GPC3: variants seen among roughly 807,000 people sequenced by gnomAD.
The protein encoded by GPC3 is glypican-3.
In GPC3, 3 loss-of-function variants were observed where a neutral mutation model predicts 34.4. The ratio of observed to expected loss-of-function variants is 0.09; its 90% CI spans 0.04 to 0.23. GPC3 has a LOEUF of 0.23. Among genes scored for constraint, GPC3 ranks in the 10% least tolerant of loss-of-function variants. The probability of loss-of-function intolerance (pLI) is 1.00; values close to 1 mark genes in which losing one functional copy is unlikely to be tolerated. For synonymous variants in GPC3, 177 were observed against 174.0 expected, an observed-to-expected ratio of 1.02 and a Z score of -0.13; for missense variants, 351 against 445.6, an observed-to-expected ratio of 0.79 and a Z score of 1.91.
intron 1 of GPC3, among the ~76,000 whole-genome samples, chrX:133,968,341 A>T (rs922936373): frequency 8.9e-6 from 1 of 112,471 alleles, no homozygotes; most frequent in African/African-American, 3.2e-5. Context: ...AGCATCTCAC[A>T]CATACTGGGT....
intron 2 of GPC3, among the ~76,000 whole-genome samples, chrX:133,829,743 C>T (rs1351419580): frequency 9.0e-6 from 1 of 110,888 alleles, no homozygotes; most frequent in Admixed American, 9.6e-5. Flanking sequence ...CAAAAGAAAG[C>T]TGGGCTAGCT....
At chrX:133,582,658 T>C (rs1239803154) in intron 7 of GPC3, among the ~76,000 whole-genome samples, 3 of 111,927 alleles carry the variant, frequency 2.7e-5, no homozygotes, top group African/African-American at 6.5e-5. Context: ...CTTTTTCTGG[T>C]AATTTAGTTT....
At chrX:133,969,354 C>T (rs759783880) in intron 1 of GPC3, among the ~76,000 whole-genome samples, 1 of 111,938 alleles carries the variant, frequency 8.9e-6, no homozygotes. Context: ...TCTATTTAGA[C>T]GAGCCTTAGC....
In GPC3 at chrX:133,824,894, G is replaced by A. The variant is rs770570489; in HGVS notation, c.338-70718C>T. ...GACGGAGTCTCGCTCTGTCGCCCGG[G>A]CTGGAGTGCAGTGGCGCGATCTCAG... On this transcript the variant is annotated intron_variant, in intron 2 of 7. Transcript: ENST00000370818. Among the ~76,000 whole-genome samples, 280 of 112,420 alleles carry A rather than the reference G, an allele frequency of 2.5e-3. 1 individual carries two copies. The highest frequency in any genetic ancestry group is 8.5e-3 in the African/African-American group (262 of 30,970).
At chrX:133,695,245 A>G (rs919984323) in intron 4 of GPC3, among the ~76,000 whole-genome samples, 3 of 112,041 alleles carry the variant, frequency 2.7e-5, no homozygotes, top group Non-Finnish European at 5.6e-5. Context: ...AACCACCTCC[A>G]TGATTCAATT....
At chrX:133,602,008 A>G (rs1254055040) in intron 6 of GPC3, among the ~76,000 whole-genome samples, 1 of 112,057 alleles carries the variant, frequency 8.9e-6, no homozygotes, top group African/African-American at 3.2e-5. Context: ...AAGATTTGGA[A>G]TCAACCTATA....
intron 7 of GPC3, among the ~76,000 whole-genome samples, chrX:133,585,627 G>A: frequency 9.0e-6 from 1 of 111,315 alleles, no homozygotes; most frequent in South Asian, 3.8e-4. Flanking sequence ...AGATCCCTCG[G>A]GGATGTTATC....
At chrX:133,737,008 C>T (rs73563295) in intron 3 of GPC3, among the ~76,000 whole-genome samples, 4,361 of 111,726 alleles carry the variant, frequency 0.039, 236 homozygotes, top group African/African-American at 0.13. Context: ...GTAAAAGATG[C>T]TCCAAACAAA....
At chrX:133,828,681 T>C (rs1312689836) in intron 2 of GPC3, among the ~76,000 whole-genome samples, 1 of 110,059 alleles carries the variant, frequency 9.1e-6, no homozygotes, top group East Asian at 2.8e-4. Flanking sequence ...GAGCCTGGGG[T>C]GGGGGAGTGG....
At chrX:133,689,534 T>C (rs1338696622) in intron 5 of GPC3, among the ~76,000 whole-genome samples, 1 of 111,458 alleles carries the variant, frequency 9.0e-6, no homozygotes, top group Non-Finnish European at 1.9e-5. Context: ...TCAAAATACA[T>C]AGGCCTAGGA....
At chrX:133,829,808 G>A (rs1217410224) in intron 2 of GPC3, among the ~76,000 whole-genome samples, 2 of 111,839 alleles carry the variant, frequency 1.8e-5, no homozygotes. Context: ...CAGGGATAGA[G>A]AAGGACATTA....
At chrX:133,896,527 T>C (rs984438958) in intron 2 of GPC3, among the ~76,000 whole-genome samples, 10 of 111,689 alleles carry the variant, frequency 9.0e-5, no homozygotes, top group Non-Finnish European at 1.7e-4. Context: ...TCATTAGTAA[T>C]GGTATCTTCG....
At chrX:133,977,035 T>A (rs1417010977) in intron 1 of GPC3, among the ~76,000 whole-genome samples, 1 of 111,945 alleles carries the variant, frequency 8.9e-6, no homozygotes, top group Non-Finnish European at 1.9e-5. Context: ...ACCCCTTCTG[T>A]CTCTGCTGCA....
chrX:133,695,197 G>A (rs747924760), intron 4 of GPC3, among the ~76,000 whole-genome samples: 14 of 111,466 alleles, frequency 1.3e-4, no homozygotes, highest in Non-Finnish European at 2.5e-4. Context: ...ATCGGATCTT[G>A]TGAGAACTAA....
At chrX:133,799,269 G>A (rs2075597284) in intron 2 of GPC3, among the ~76,000 whole-genome samples, 1 of 111,804 alleles carries the variant, frequency 8.9e-6, no homozygotes, top group Non-Finnish European at 1.9e-5. Flanking sequence ...ATGCATGCCT[G>A]TAGTCCCAGT....
chrX:133,746,807 C>T (rs1369288825), intron 3 of GPC3, among the ~76,000 whole-genome samples: 1 of 111,949 alleles, frequency 8.9e-6, no homozygotes, highest in East Asian at 2.8e-4. Flanking sequence ...GACAAGGTAT[C>T]TCTATCTGAG....
At chrX:133,876,897 A>G (rs1044676724) in intron 2 of GPC3, among the ~76,000 whole-genome samples, 1 of 111,869 alleles carries the variant, frequency 8.9e-6, no homozygotes, top group Non-Finnish European at 1.9e-5. Context: ...ATGAGAGTCA[A>G]CAAAAGTTTC....
chrX:133,577,738 G>A (rs1346281565), intron 7 of GPC3, among the ~76,000 whole-genome samples: 1 of 112,162 alleles, frequency 8.9e-6, no homozygotes, highest in Non-Finnish European at 1.9e-5. Flanking sequence ...TAGAACAGAT[G>A]TGGTAAGGGC....
At chrX:133,968,030 C>T (rs1221378980) in intron 1 of GPC3, among the ~76,000 whole-genome samples, 1 of 112,732 alleles carries the variant, frequency 8.9e-6, no homozygotes, top group East Asian at 2.8e-4. Flanking sequence ...GTGCTGGGTT[C>T]AAGGTAGCTG....
Sources: allele counts gnomAD v4.1 joint callset (sites outside exome capture counted in the v4.1 genomes callset), GRCh38; gene constraint gnomAD v4.1.1; transcripts MANE v1.5; gene names NCBI Gene and HGNC (gene_info 2026-07-23, HGNC 2026-07-21).